SOX6: variants seen among roughly 807,000 people sequenced by gnomAD.
SOX6 encodes transcription factor SOX-6.
SOX6 carries 11 observed loss-of-function variants against 97.8 expected under a neutral mutation model. That is an observed-to-expected ratio of 0.11 (90% CI 0.07 to 0.19). SOX6 has a LOEUF of 0.19. Among genes scored for constraint, SOX6 ranks in the 10% least tolerant of loss-of-function variants. The pLI is 1.00. For missense variants in SOX6, 810 were observed against 1,039.5 expected (o/e 0.78, Z 3.04); for synonymous variants, 360 against 371.4 (o/e 0.97, Z 0.35).
At chr11:16,286,621 T>C (rs923695881) in intron 3 of SOX6, among the ~76,000 whole-genome samples, 1 of 152,114 alleles carries the variant, frequency 6.6e-6, no homozygotes, top group Non-Finnish European at 1.5e-5. Flanking sequence ...TGGTGTCTTA[T>C]AAAAAGGAAA....
chr11:16,115,870 A>C (rs1849335424), intron 6 of SOX6, among the ~76,000 whole-genome samples: 1 of 152,202 alleles, frequency 6.6e-6, no homozygotes, highest in South Asian at 2.1e-4. Flanking sequence ...AATGCTGTTC[A>C]ATTTTCAATA....
chr11:16,006,586 C>T (rs1329703887), intron 13 of SOX6, among the ~76,000 whole-genome samples: 1 of 152,030 alleles, frequency 6.6e-6, no homozygotes, highest in Non-Finnish European at 1.5e-5. Flanking sequence ...CTTCTCTTTG[C>T]TTATCCAAAC....
At position 16,605,649 on chromosome 11, in the gene SOX6, G is replaced by A. The variant is rs1848325807; in HGVS notation, n.609+6432C>T. Among the ~76,000 whole-genome samples the A allele has an allele frequency of 6.6e-6, 1 of 151,988 alleles. No homozygotes were observed. Among genetic ancestry groups the A allele is most frequent in the South Asian group, 2.1e-4 (1 of 4,812 alleles). On this transcript the variant is annotated intron_variant and non_coding_transcript_variant, in intron 4 of 5. Transcript: ENST00000524520. This position sits in a 1 kb window ranked among gnomAD's most constrained non-coding sequence, Gnocchi z 5.3. ...CCGAGTAAACTTTATCCCGGCGAGA[G>A]AGCGGCGGAGATCCTCGACTCCCGC...
intron 9 of SOX6, among the ~76,000 whole-genome samples, chr11:16,087,515 C>A (rs1034167611): frequency 6.6e-6 from 1 of 152,072 alleles, no homozygotes; most frequent in Non-Finnish European, 1.5e-5. Context: ...CCCTTATTGA[C>A]AGCCTGAGTA....
At chr11:16,204,197 T>A (rs1184087093) in intron 4 of SOX6, among the ~76,000 whole-genome samples, 1 of 152,148 alleles carries the variant, frequency 6.6e-6, no homozygotes, top group Non-Finnish European at 1.5e-5. Context: ...AGAGGATACA[T>A]GATTGACCCA....
At chr11:16,225,198 C>T (rs1394772630) in intron 4 of SOX6, among the ~76,000 whole-genome samples, 1 of 151,752 alleles carries the variant, frequency 6.6e-6, no homozygotes, top group Non-Finnish European at 1.5e-5. Flanking sequence ...TGTTTTGATA[C>T]TTTTTTCTAA....
intron 3 of SOX6, among the ~76,000 whole-genome samples, chr11:16,284,787 T>C (rs1053804978): frequency 6.6e-6 from 1 of 152,188 alleles, no homozygotes; most frequent in African/African-American, 2.4e-5. Context: ...ACTATTTCCC[T>C]TGTGAGCCTC....
At chr11:16,008,851 C>T (rs899055542) in intron 13 of SOX6, among the ~76,000 whole-genome samples, 2 of 152,004 alleles carry the variant, frequency 1.3e-5, no homozygotes, top group Non-Finnish European at 2.9e-5. Flanking sequence ...CAGAGTTAGT[C>T]CAGAGCCCAG....
At chr11:16,562,347 A>G (rs1169914907) in intron 4 of SOX6, among the ~76,000 whole-genome samples, 2 of 152,164 alleles carry the variant, frequency 1.3e-5, no homozygotes, top group Admixed American at 1.3e-4. Flanking sequence ...CGCGTTGTGT[A>G]TACCAGACTT....
chr11:16,453,118 C>T (rs1859751317), intron 1 of SOX6, among the ~76,000 whole-genome samples: 1 of 152,148 alleles, frequency 6.6e-6, no homozygotes, highest in Non-Finnish European at 1.5e-5. Context: ...GGTGTATAAT[C>T]ATTCAGCTCT....
At chr11:16,373,499 T>C (rs1857547826) in intron 1 of SOX6, among the ~76,000 whole-genome samples, 1 of 152,098 alleles carries the variant, frequency 6.6e-6, no homozygotes, top group African/African-American at 2.4e-5. Flanking sequence ...TATTAGATAG[T>C]TCTTATCATC....
chr11:16,498,588 G>A (rs181687397), intron 4 of SOX6, among the ~76,000 whole-genome samples: 1 of 152,060 alleles, frequency 6.6e-6, no homozygotes, highest in South Asian at 2.1e-4. Context: ...GACACACATA[G>A]GCTCAAAATA....
chr11:16,209,014 A>G (rs1255942052), intron 4 of SOX6, among the ~76,000 whole-genome samples: 1 of 152,198 alleles, frequency 6.6e-6, no homozygotes, highest in Non-Finnish European at 1.5e-5. Context: ...TGTGGGCTTC[A>G]TACACTTCAA....
At chr11:16,482,224 T>A (rs1050326617) in intron 4 of SOX6, among the ~76,000 whole-genome samples, 1 of 152,222 alleles carries the variant, frequency 6.6e-6, no homozygotes, top group Non-Finnish European at 1.5e-5. Flanking sequence ...CAAAAGTTAA[T>A]TGCAATATGG....
At chr11:16,720,437 A>G (rs1410141265) in intron 2 of SOX6, among the ~76,000 whole-genome samples, 6 of 138,130 alleles carry the variant, frequency 4.3e-5, no homozygotes, top group Non-Finnish European at 7.8e-5. Context: ...GTAAACTATC[A>G]CAAGGACAAA....
intron 2 of SOX6, among the ~76,000 whole-genome samples, 153 bp downstream of exon 2, chr11:16,340,859 G>C (rs944683390): frequency 1.3e-5 from 2 of 151,924 alleles, no homozygotes; most frequent in Admixed American, 1.3e-4. Flanking sequence ...AGTTTTTCCA[G>C]TTATTAGTAT....
chr11:16,220,556 C>A (rs890810239), intron 4 of SOX6, among the ~76,000 whole-genome samples: 23 of 152,022 alleles, frequency 1.5e-4, no homozygotes, highest in African/African-American at 5.3e-4. Flanking sequence ...GGCTTCCTTG[C>A]AATATTATAC....
intron 1 of SOX6, among the ~76,000 whole-genome samples, chr11:16,346,735 C>T (rs2134350248): frequency 6.6e-6 from 1 of 152,166 alleles, no homozygotes. Context: ...CACATGAGGA[C>T]AGTAACTATT....
rs1205860366 is a variant in SOX6, at chr11:15,966,718, A to G, written c.*6091T>C. On this transcript the variant is annotated 3_prime_UTR_variant, in exon 16 of 16. Coordinates refer to ENST00000683767, the MANE Select transcript of SOX6 (RefSeq NM_001367873.1). ...GGTGCCAACATACACCAGGATAGAT[A>G]AAGACAGTGTGTCTTTCAATTTTGT... 6.6e-6 allele frequency: 1 copy of G among 152,186 alleles called. No homozygotes were observed. The allele number at this position is 152,186 out of a possible 1,614,324, so 9.4% of individuals were successfully genotyped here.
Sources: allele counts gnomAD v4.1 joint callset (sites outside exome capture counted in the v4.1 genomes callset), GRCh38; gene constraint gnomAD v4.1.1; non-coding constraint Gnocchi (gnomAD v3.1); transcripts MANE v1.5; gene names NCBI Gene and HGNC (gene_info 2026-07-23, HGNC 2026-07-21).